The following GPR137C variants were observed in gnomAD, a reference collection of about 807,000 sequenced individuals.
GPR137C encodes G protein-coupled receptor 137C.
A neutral mutation model predicts 43.4 loss-of-function variants in GPR137C; 27 were observed. The observed-to-expected ratio is 0.62, with a 90% CI of 0.46 to 0.86. The LOEUF is 0.86. GPR137C is among the 40% of genes least tolerant of loss of function. The probability of loss-of-function intolerance (pLI) is 0.00; values close to 1 mark genes in which losing one functional copy is unlikely to be tolerated. For missense variants in GPR137C, 522 were observed against 534.6 expected, an observed-to-expected ratio of 0.98 and a Z score of 0.23; for synonymous variants, 285 against 226.9, an observed-to-expected ratio of 1.26 and a Z score of -2.30.
At chr14:52,605,623 C>G (rs1015621168) in intron 3 of GPR137C, among the ~76,000 whole-genome samples, 10 of 152,100 alleles carry the variant, frequency 6.6e-5, no homozygotes, top group Non-Finnish European at 1.5e-4. Flanking sequence ...TTATGTTGTT[C>G]CAGATTTTAG....
At chr14:52,615,910 T>TACTATCA (rs2039093387) in intron 3 of GPR137C, among the ~76,000 whole-genome samples, 1 of 152,354 alleles carries the variant, frequency 6.6e-6, no homozygotes, top group Admixed American at 6.5e-5. Flanking sequence ...GCTTTTTAAA[T>TACTATCA]ACTAGTTATT....
chr14:52,635,273 G>T lies in GPR137C; in HGVS notation c.*158G>T, dbSNP rs1426921362. 7.3e-6 allele frequency: 4 copies of T among 551,100 alleles called. No individual in the cohort carries two copies. The highest frequency in any genetic ancestry group is 9.0e-6 in the Non-Finnish European group (3 of 335,058). 34.1% of individuals were successfully genotyped at this position (551,100 alleles called of 1,614,324 possible). ...GGTAAATAACACAGCTATTATTTTT[G>T]ACCTCTTCATAGTAAAATGAAGTAA... On this transcript the variant is annotated 3_prime_UTR_variant, in exon 7 of 7. Transcript: ENST00000321662.
chr14:52,626,604 C>G (rs946589029), intron 3 of GPR137C, among the ~76,000 whole-genome samples: 1 of 152,058 alleles, frequency 6.6e-6, no homozygotes, highest in African/African-American at 2.4e-5. Flanking sequence ...AGGATGTCAG[C>G]TCTCACCATT....
In GPR137C at chr14:52,636,870, A is replaced by G. The variant is rs1411885523; in HGVS notation, c.*1755A>G. 1 of 152,144 alleles carries G rather than the reference A, an allele frequency of 6.6e-6. No homozygotes were observed. Among genetic ancestry groups the G allele is most frequent in the Non-Finnish European group, 1.5e-5 (1 of 67,988 alleles). The allele number at this position is 152,144 out of a possible 1,614,324, so 9.4% of individuals were successfully genotyped here. A position where few individuals can be genotyped will look rare whatever the true frequency, so the allele number is the denominator to read the frequency against. On this transcript the variant is annotated 3_prime_UTR_variant, in exon 7 of 7. Coordinates refer to ENST00000321662, the MANE Select transcript of GPR137C (RefSeq NM_001099652.2). ...TAAGTGACAAAAGCGTACTTTTATTACAACTCCAGTTGTTAGATTGCTTCT... is the reference window on the plus strand; with the variant it reads ...TAAGTGACAAAAGCGTACTTTTATTGCAACTCCAGTTGTTAGATTGCTTCT...
rs549049965 is a variant in GPR137C at position 52,565,120 on chromosome 14, A to AT, written c.444+11534dup. 4.1e-3 allele frequency among the ~76,000 whole-genome samples: 632 copies of AT among 152,294 alleles called. 4 individuals carry two copies. The highest frequency in any genetic ancestry group is 0.015 in the African/African-American group (605 of 41,554). Reference sequence around the variant, plus strand: ...TGAGATTACATTGTCAAATCATCTGATTTTTCAAGAGAAATCACAAATTTG... The same window carrying AT: ...TGAGATTACATTGTCAAATCATCTGATTTTTTCAAGAGAAATCACAAATTTG... On this transcript the variant is annotated intron_variant, in intron 1 of 6. Coordinates refer to ENST00000321662, the MANE Select transcript of GPR137C (RefSeq NM_001099652.2).
chr14:52,568,604 T>C (rs1481411778), intron 1 of GPR137C, among the ~76,000 whole-genome samples: 1 of 151,906 alleles, frequency 6.6e-6, no homozygotes, highest in African/African-American at 2.4e-5. Flanking sequence ...TGGAGCTTGG[T>C]GGGGGGAGGG....
intron 1 of GPR137C, among the ~76,000 whole-genome samples, chr14:52,570,099 G>T (rs2038441444): frequency 6.6e-6 from 1 of 152,152 alleles, no homozygotes; most frequent in Admixed American, 6.5e-5. Context: ...TAGAGAGAAA[G>T]GTCGGGTTAC....
rs1395566770 is a variant in GPR137C at position 52,636,706 on chromosome 14, A to C, written c.*1591A>C. ...TGGGAGGCCAGTACACAGACAAATA[A>C]ATTTCTTCTTTTTATGATACAAAAT... On this transcript the variant is annotated 3_prime_UTR_variant, in exon 7 of 7. Transcript: ENST00000321662. The C allele has an allele frequency of 6.6e-6, 1 of 152,126 alleles. No homozygotes were observed. The highest frequency in any genetic ancestry group is 1.9e-4 in the East Asian group (1 of 5,198). 9.4% of individuals were successfully genotyped at this position (152,126 alleles called of 1,614,324 possible). A position where few individuals can be genotyped will look rare whatever the true frequency, so the allele number is the denominator to read the frequency against.
intron 1 of GPR137C, among the ~76,000 whole-genome samples, chr14:52,569,807 T>G (rs1399249245): frequency 6.6e-6 from 1 of 151,850 alleles, no homozygotes; most frequent in Non-Finnish European, 1.5e-5. Context: ...AAGACCAAAC[T>G]TATGTTTGAT....
chr14:52,579,060 T>A (rs964525624), intron 1 of GPR137C, among the ~76,000 whole-genome samples: 19 of 152,216 alleles, frequency 1.2e-4, no homozygotes, highest in African/African-American at 4.1e-4. Flanking sequence ...GTTGCTAGTA[T>A]GTTTAGATCT....
chr14:52,578,304 T>C lies in GPR137C; in HGVS notation c.445-19968T>C, dbSNP rs565978529. Among the ~76,000 whole-genome samples, 46 of 152,310 alleles carry C rather than the reference T, an allele frequency of 3.0e-4. 1 individual carries two copies. The South Asian group carries it at 8.9e-3, about 30-fold the overall frequency. On this transcript the variant is annotated intron_variant, in intron 1 of 6. Coordinates refer to ENST00000321662, the MANE Select transcript of GPR137C (RefSeq NM_001099652.2). Reference sequence around the variant, plus strand: ...GTTTCTCTTTCTGGAGCTCTTAATGTTTGGATGTTAGACCTTTTAAATGAA... The same window carrying C: ...GTTTCTCTTTCTGGAGCTCTTAATGCTTGGATGTTAGACCTTTTAAATGAA...
intron 1 of GPR137C, among the ~76,000 whole-genome samples, chr14:52,556,831 T>A (rs949759383): frequency 6.6e-6 from 1 of 152,062 alleles, no homozygotes; most frequent in Non-Finnish European, 1.5e-5. Context: ...CTTGGAGTGT[T>A]GTGATGCATG....
At chr14:52,596,895 T>C (rs111553846) in intron 1 of GPR137C, 3 of 453,824 alleles carry the variant, frequency 6.6e-6, no homozygotes, top group Non-Finnish European at 1.3e-5. Flanking sequence ...AAATCACCTG[T>C]CTTCTGCGTC....
chr14:52,603,183 G>A (rs958054224), intron 3 of GPR137C, among the ~76,000 whole-genome samples: 1 of 152,168 alleles, frequency 6.6e-6, no homozygotes, highest in Non-Finnish European at 1.5e-5. Context: ...ACATGTGAGT[G>A]AGAACATGTA....
intron 3 of GPR137C, chr14:52,611,927 T>C: frequency 2.0e-6 from 2 of 984,272 alleles, no homozygotes; most frequent in Non-Finnish European, 2.4e-6. Context: ...TTCATCATCA[T>C]ATTTTGACAT....
intron 1 of GPR137C, among the ~76,000 whole-genome samples, chr14:52,570,806 G>A (rs569230217): frequency 8.5e-5 from 13 of 152,218 alleles, no homozygotes; most frequent in African/African-American, 2.6e-4. Context: ...AAATATATAT[G>A]CACCCAATAC....
At chr14:52,612,537 G>A (rs1248973616) in intron 3 of GPR137C, 44 of 979,748 alleles carry the variant, frequency 4.5e-5, no homozygotes, top group Non-Finnish European at 4.8e-5. Context: ...GAGCACTCAC[G>A]TATCTTTTAT....
At chr14:52,597,170 T>A (rs1038709887) in intron 1 of GPR137C, among the ~76,000 whole-genome samples, 3 of 152,288 alleles carry the variant, frequency 2.0e-5, no homozygotes, top group African/African-American at 7.2e-5. Context: ...CTCCAGACAG[T>A]TTTTCCCCTT....
At position 52,553,324 on chromosome 14, in the gene GPR137C, G is replaced by A; in HGVS notation, c.177G>A (p.Ala59=). 1.3e-6 allele frequency: 2 copies of A among 1,591,092 alleles called. No homozygotes were observed. The highest frequency in any genetic ancestry group is 1.7e-6 in the Non-Finnish European group (2 of 1,174,180). The change falls in exon 1 of 7, where the codon GCG becomes GCA. Residue 59 remains alanine (A), a synonymous_variant. Transcript: ENST00000321662. ...TCCTGCACGCCCTGCTCTACGCCGCGCTGTTCGCCTTTGCCTACCTGCAGC... is the reference window on the plus strand; with the variant it reads ...TCCTGCACGCCCTGCTCTACGCCGCACTGTTCGCCTTTGCCTACCTGCAGC... ...LSVLHALLYA[A]LFAFAYLQLW...
Sources: gnomAD v4.1 joint callset for allele counts (sites outside exome capture counted in the v4.1 genomes callset) on GRCh38, gnomAD v4.1.1 for gene constraint, MANE v1.5 for transcripts, NCBI Gene and HGNC (gene_info 2026-07-23, HGNC 2026-07-21) for gene names.